The following PCLO variants were observed in gnomAD, a reference collection of about 807,000 sequenced individuals.
The protein encoded by PCLO is piccolo presynaptic cytomatrix protein.
A neutral mutation model predicts 427.5 loss-of-function variants in PCLO; 82 were observed. That is an observed-to-expected ratio of 0.19 (90% CI 0.16 to 0.23). The LOEUF (loss-of-function observed/expected upper bound fraction) is 0.23, where lower values mean the gene tolerates loss of function less well. Among genes scored for constraint, PCLO ranks in the 10% least tolerant of loss-of-function variants. The probability of loss-of-function intolerance (pLI) is 1.00; values close to 1 mark genes in which losing one functional copy is unlikely to be tolerated. For missense variants in PCLO, 6,239 were observed against 6,115.9 expected (o/e 1.02, Z -0.67); for synonymous variants, 2,357 against 2,155.4 (o/e 1.09, Z -2.59).
At chr7:82,821,122 C>A in intron 20 of PCLO, 3 of 1,035,224 alleles carry the variant, frequency 2.9e-6, no homozygotes, top group Non-Finnish European at 3.5e-6. Flanking sequence ...CTCCTTCTGG[C>A]TTGACTGGTC....
intron 6 of PCLO, among the ~76,000 whole-genome samples, chr7:82,948,272 G>T (rs1795249058): frequency 6.8e-6 from 1 of 146,824 alleles, no homozygotes; most frequent in Admixed American, 7.0e-5. Flanking sequence ...GACAGTTTTA[G>T]TTTTAGCTTA....
rs1295307591 is a variant in PCLO, at chr7:82,952,540, T to TG, written c.8412_8413insC (p.Ser2805GlnfsTer29). ...AGGCTTTCTGTGCCTGTAGTGTAAC[T>TG]TGCACTAGCTGTGCATGTGACAAAG... is the stretch of plus-strand genomic sequence containing the variant. On this transcript the variant is annotated frameshift_variant, in exon 5 of 25. Transcript: ENST00000333891. LOFTEE classifies it high-confidence loss of function. The TG allele has an allele frequency of 2.5e-6, 4 of 1,613,916 alleles. No individual in the cohort carries two copies. The highest frequency in any genetic ancestry group is 3.4e-6 in the Non-Finnish European group (4 of 1,179,848).
chr7:83,093,485 TA>T (rs1303611438), intron 3 of PCLO, among the ~76,000 whole-genome samples: 35 of 103,210 alleles, frequency 3.4e-4, no homozygotes, highest in African/African-American at 1.6e-3. Flanking sequence ...TAGATATATA[TA>T]TATATATTTT....
chr7:83,042,303 T>C (rs1409245501), intron 3 of PCLO, among the ~76,000 whole-genome samples: 2 of 152,170 alleles, frequency 1.3e-5, no homozygotes, highest in African/African-American at 2.4e-5. Flanking sequence ...AAACAAAACA[T>C]GAATTGCATT....
intron 3 of PCLO, among the ~76,000 whole-genome samples, chr7:82,973,107 A>G (rs1795941677): frequency 6.6e-6 from 1 of 151,928 alleles, no homozygotes; most frequent in African/African-American, 2.4e-5. Context: ...CTTTTTCCAG[A>G]CTACACAATC....
intron 3 of PCLO, among the ~76,000 whole-genome samples, chr7:83,031,062 C>A (rs1445584469): frequency 6.6e-6 from 1 of 152,132 alleles, no homozygotes; most frequent in Non-Finnish European, 1.5e-5. Flanking sequence ...ACTCTAGGAT[C>A]TGGGAGGAGT....
intron 3 of PCLO, among the ~76,000 whole-genome samples, chr7:83,027,907 C>A (rs1583926598): frequency 7.6e-6 from 1 of 130,752 alleles, no homozygotes; most frequent in Admixed American, 7.9e-5. Context: ...AATTCAACAA[C>A]CCTTCATGCT....
At chr7:82,827,444 G>T (rs1488100555) in intron 17 of PCLO, among the ~76,000 whole-genome samples, 3 of 152,004 alleles carry the variant, frequency 2.0e-5, no homozygotes, top group Admixed American at 6.6e-5. Flanking sequence ...TTAGCAAAGA[G>T]ATGAGATCCT....
intron 3 of PCLO, among the ~76,000 whole-genome samples, chr7:83,127,190 C>T (rs6963541): frequency 0.27 from 41,606 of 151,742 alleles, 6,614 homozygotes; most frequent in East Asian, 0.54. Flanking sequence ...ATAAATACAA[C>T]GATACCTTAT....
At chr7:82,991,815 T>G (rs1033347888) in intron 3 of PCLO, among the ~76,000 whole-genome samples, 2 of 152,144 alleles carry the variant, frequency 1.3e-5, no homozygotes, top group African/African-American at 4.8e-5. Flanking sequence ...ATATAAAATA[T>G]TCTCAGTACC....
At chr7:82,814,563 C>G (rs1351914323) in intron 20 of PCLO, among the ~76,000 whole-genome samples, 1 of 151,218 alleles carries the variant, frequency 6.6e-6, no homozygotes, top group East Asian at 1.9e-4. Flanking sequence ...ATATTTTAGT[C>G]TTATCTTAGA....
chr7:83,070,522 C>T (rs543983304), intron 3 of PCLO, among the ~76,000 whole-genome samples: 22 of 151,734 alleles, frequency 1.4e-4, no homozygotes, highest in Admixed American at 1.4e-3. Context: ...CGAGTAGCTG[C>T]GACTACAGGT....
In PCLO at chr7:82,754,627, A is replaced by G. The variant is rs1446488308; in HGVS notation, c.*3948T>C. The stretch of plus-strand genomic sequence containing the variant: ...TTAAGAAAATGCTCTCAATCTACCT[A>G]TCAGATAAAGAATTTGATTAAATAA... On this transcript the variant is annotated 3_prime_UTR_variant, in exon 25 of 25. Coordinates refer to ENST00000333891, the MANE Select transcript of PCLO (RefSeq NM_033026.6). 1 of 152,128 alleles carries G rather than the reference A, an allele frequency of 6.6e-6. No homozygotes were observed. The highest frequency in any genetic ancestry group is 1.5e-5 in the Non-Finnish European group (1 of 67,974). 9.4% of individuals were successfully genotyped at this position (152,128 alleles called of 1,614,324 possible). A position where few individuals can be genotyped will look rare whatever the true frequency, so the allele number is the denominator to read the frequency against.
chr7:82,976,957 C>A (rs776560867), intron 3 of PCLO, among the ~76,000 whole-genome samples: 34 of 152,118 alleles, frequency 2.2e-4, no homozygotes, highest in African/African-American at 8.0e-4. Context: ...TGGGCCCAAG[C>A]CATCTTCCAG....
At chr7:82,968,232 T>A (rs1466179501) in intron 3 of PCLO, among the ~76,000 whole-genome samples, 4 of 152,210 alleles carry the variant, frequency 2.6e-5, no homozygotes. Flanking sequence ...CATTTGCTTT[T>A]TGTGTATATA....
rs547900668 is a variant in PCLO at position 82,774,453 on chromosome 7, G to T, written c.15008-12960C>A. On this transcript the variant is annotated intron_variant, in intron 22 of 24. Coordinates refer to ENST00000333891, the MANE Select transcript of PCLO (RefSeq NM_033026.6). ...TCATTATATCTTGATACCTTGCAGG[G>T]TAACTTTATCCTTGTATAAGTCGGG... Among the ~76,000 whole-genome samples the T allele has an allele frequency of 2.0e-5, 3 of 152,232 alleles. No homozygotes were observed. The South Asian group carries it at 6.2e-4, about 32-fold the overall frequency.
Position 82,953,613 on chromosome 7 carries a change from G to A in PCLO, c.7340C>T (p.Ser2447Phe). Reference sequence around the variant, plus strand: ...CAGAGGTGTAGCTGTAGTCACTGGAGATGCAACTGTTAACTTTTTTTTAGG... The same window carrying A: ...CAGAGGTGTAGCTGTAGTCACTGGAAATGCAACTGTTAACTTTTTTTTAGG... ...ILPKKKLTVASPVTTATPLFD... is the reference protein window; with the variant it reads ...ILPKKKLTVAFPVTTATPLFD... The change falls in exon 5 of 25, where the codon TCT becomes TTT. Residue 2447 changes from serine to phenylalanine, a missense_variant. By Grantham distance (155) the Ser-to-Phe change is radical (BLOSUM62 -2). This residue lies in a region of PCLO where 4,677 missense variants were observed against 4,468.4 expected (regional missense o/e 1.05). Coordinates refer to ENST00000333891, the MANE Select transcript of PCLO (RefSeq NM_033026.6). 1 of 1,610,592 alleles carries A rather than the reference G, an allele frequency of 6.2e-7. No individual in the cohort carries two copies. Among genetic ancestry groups the A allele is most frequent in the South Asian group, 1.1e-5 (1 of 90,862 alleles).
intron 18 of PCLO, 77 bp downstream of exon 18, chr7:82,826,512 A>T: frequency 1.1e-6 from 1 of 924,884 alleles, no homozygotes; most frequent in South Asian, 1.6e-5. Context: ...TATAAACTTC[A>T]GAAACATGCT....
chr7:82,982,059 T>C (rs1796158242), intron 3 of PCLO, among the ~76,000 whole-genome samples: 1 of 152,166 alleles, frequency 6.6e-6, no homozygotes, highest in Non-Finnish European at 1.5e-5. Context: ...TAGAAACTAC[T>C]GCAGGAATCT....
Sources: gnomAD v4.1 joint callset for allele counts (sites outside exome capture counted in the v4.1 genomes callset) on GRCh38, gnomAD v4.1.1 for gene constraint, gnomAD v4.1.1 regional missense constraint, MANE v1.5 for transcripts, NCBI Gene and HGNC (gene_info 2026-07-23, HGNC 2026-07-21) for gene names.